DOCK9: variants seen among roughly 807,000 people sequenced by gnomAD.
DOCK9 encodes dedicator of cytokinesis protein 9.
A neutral mutation model predicts 263.3 loss-of-function variants in DOCK9; 89 were observed. The ratio of observed to expected loss-of-function variants is 0.34; its 90% CI spans 0.28 to 0.40. DOCK9 has a LOEUF of 0.40. Among genes scored for constraint, DOCK9 ranks in the 10% least tolerant of loss-of-function variants. The probability of loss-of-function intolerance (pLI) is 1.00; values close to 1 mark genes in which losing one functional copy is unlikely to be tolerated. For missense variants in DOCK9, 2,140 were observed against 2,603.4 expected, an observed-to-expected ratio of 0.82 and a Z score of 3.87; for synonymous variants, 976 against 973.1, an observed-to-expected ratio of 1.00 and a Z score of -0.06.
Position 98,886,715 on chromosome 13 carries a change from G to A in DOCK9, c.2044-91C>T, listed in dbSNP as rs73556977. On this transcript the variant is annotated intron_variant, in intron 18 of 52. Transcript: ENST00000682017. ...ATCGTAAAGGAGGAGGCATTCCTAC[G>A]GCATAGACTTAGCATCGCCACCTCT... 2,018 of 1,223,100 alleles carry A rather than the reference G, an allele frequency of 1.6e-3. 25 individuals carry two copies. In the African/African-American group the frequency reaches 0.028, roughly 17 times the overall value. The allele number at this position is 1,223,100 out of a possible 1,614,324, so 75.8% of individuals were successfully genotyped here.
Position 99,001,817 on chromosome 13 carries a change from G to A in DOCK9, c.130-46266C>T, listed in dbSNP as rs1303183433. ...TTGCAGGGGCTCCCCCTATGGTCTC[G>A]TACCTCACTTGGTATTTGTAATTTT... On this transcript the variant is annotated intron_variant, in intron 1 of 32. Transcript: ENST00000427887. 4.6e-5 allele frequency among the ~76,000 whole-genome samples: 7 copies of A among 152,322 alleles called. No homozygotes were observed. The South Asian group carries it at 1.2e-3, about 27-fold the overall frequency.
chr13:98,985,204 G>A (rs1413083621), intron 1 of DOCK9, among the ~76,000 whole-genome samples: 1 of 152,100 alleles, frequency 6.6e-6, no homozygotes, highest in Non-Finnish European at 1.5e-5. Flanking sequence ...GGAGAGTCAG[G>A]CTGACGAAGG....
intron 1 of DOCK9, among the ~76,000 whole-genome samples, chr13:99,042,741 A>G (rs962060035): frequency 1.3e-5 from 2 of 152,250 alleles, no homozygotes; most frequent in African/African-American, 4.8e-5. Flanking sequence ...GATTTGTCAC[A>G]GTTATATAAA....
At chr13:98,939,619 G>A (rs968250459) in intron 2 of DOCK9, among the ~76,000 whole-genome samples, 12 of 152,340 alleles carry the variant, frequency 7.9e-5, no homozygotes, top group African/African-American at 2.4e-4. Flanking sequence ...CAGAGCTCAG[G>A]AGACGGACGG....
At chr13:98,917,882 G>A (rs998263687) in intron 7 of DOCK9, among the ~76,000 whole-genome samples, 25 of 152,184 alleles carry the variant, frequency 1.6e-4, no homozygotes, top group African/African-American at 6.0e-4. Flanking sequence ...GGCACCAGCT[G>A]CAGGTGGGCA....
chr13:98,881,410 A>G (rs2044734885), intron 25 of DOCK9, 148 bp downstream of exon 25: 1 of 594,426 alleles, frequency 1.7e-6, no homozygotes, highest in East Asian at 2.9e-5. Context: ...TCCCCTATTC[A>G]GGTACAAGCA....
chr13:98,798,671 G>A (rs2089741672), intron 50 of DOCK9, among the ~76,000 whole-genome samples: 1 of 152,216 alleles, frequency 6.6e-6, no homozygotes, highest in African/African-American at 2.4e-5. Flanking sequence ...AGACGGCTCT[G>A]CCCAGTAAAG....
At chr13:99,071,468 G>C (rs1235886968) in intron 1 of DOCK9, among the ~76,000 whole-genome samples, 1 of 151,804 alleles carries the variant, frequency 6.6e-6, no homozygotes, top group Non-Finnish European at 1.5e-5. Context: ...AAGTATGCTA[G>C]AGAAAACATT....
At chr13:98,815,949 C>G (rs2091805261) in intron 45 of DOCK9, among the ~76,000 whole-genome samples, 1 of 152,032 alleles carries the variant, frequency 6.6e-6, no homozygotes, top group African/African-American at 2.4e-5. Flanking sequence ...TAATCTGGTG[C>G]AATTTTAATG....
upstream of DOCK9, among the ~76,000 whole-genome samples, chr13:99,086,993 T>G (rs1192024142): frequency 1.3e-5 from 2 of 152,080 alleles, no homozygotes; most frequent in Admixed American, 1.3e-4. Context: ...GGAGCCCGGC[T>G]GCGCTCGAGG....
At position 98,829,257 on chromosome 13, in the gene DOCK9, C is replaced by T; in HGVS notation, c.4965+50G>A. 2.0e-6 allele frequency: 3 copies of T among 1,514,120 alleles called. No individual in the cohort carries two copies. Among genetic ancestry groups the T allele is most frequent in the Non-Finnish European group, 2.7e-6 (3 of 1,112,510 alleles). The allele number at this position is 1,514,120 out of a possible 1,614,324, so 93.8% of individuals were successfully genotyped here. A position where few individuals can be genotyped will look rare whatever the true frequency, so the allele number is the denominator to read the frequency against. On this transcript the variant is annotated intron_variant, in intron 43 of 52. Transcript: ENST00000682017. This position sits in a 1 kb window ranked among gnomAD's most constrained non-coding sequence, Gnocchi z 4.1. ...AAACTGGCTTTTTAAGTGAATGGGG[C>T]CTCACTGGTTTTTTCAAAAACCCAT... is the stretch of plus-strand genomic sequence containing the variant.
chr13:99,077,907 T>C (rs573906645), intron 1 of DOCK9, among the ~76,000 whole-genome samples: 80 of 152,158 alleles, frequency 5.3e-4, no homozygotes, highest in African/African-American at 1.9e-3. Flanking sequence ...GCCACTGAGA[T>C]CTGGGAGTCC....
chr13:98,818,681 TTAGCC>T (rs2092066089), intron 45 of DOCK9, among the ~76,000 whole-genome samples: 1 of 151,988 alleles, frequency 6.6e-6, no homozygotes, highest in African/African-American at 2.4e-5. Flanking sequence ...TTTTATGATA[TTAGCC>T]TAGACTTAAA....
intron 24 of DOCK9, 46 bp downstream of exon 24, chr13:98,881,846 G>A (rs2044818319): frequency 1.4e-6 from 2 of 1,474,296 alleles, no homozygotes; most frequent in South Asian, 1.2e-5. Context: ...TGCTCCAGAT[G>A]TGGACAGACT....
At chr13:99,007,926 T>A (rs557514535) in intron 1 of DOCK9, among the ~76,000 whole-genome samples, 1 of 152,126 alleles carries the variant, frequency 6.6e-6, no homozygotes, top group Non-Finnish European at 1.5e-5. Flanking sequence ...TGGCTATACA[T>A]ACCAAAATCC....
chr13:98,938,433 A>G lies in DOCK9; in HGVS notation c.244-8176T>C, dbSNP rs115594913. 4.0e-3 allele frequency among the ~76,000 whole-genome samples: 603 copies of G among 152,296 alleles called. 4 individuals are homozygous for G. Among genetic ancestry groups the G allele is most frequent in the African/African-American group, 0.014 (577 of 41,560 alleles). On this transcript the variant is annotated intron_variant, in intron 2 of 52. Coordinates refer to ENST00000682017, the MANE Select transcript of DOCK9 (RefSeq NM_001366683.2). ...TTAAAAATCCCACAGTTCTGTGAAT[A>G]TGGAATTCTAAGTCTGTTCCTCTCA...
intron 12 of DOCK9, 87 bp downstream of exon 12, chr13:98,902,201 C>T (rs2048386044): frequency 7.1e-7 from 1 of 1,408,894 alleles, no homozygotes; most frequent in Non-Finnish European, 9.6e-7. Flanking sequence ...TTGTGCATTA[C>T]AAGGTCTAAT....
chr13:99,053,037 C>T (rs559001870), intron 1 of DOCK9, among the ~76,000 whole-genome samples: 81 of 152,274 alleles, frequency 5.3e-4, no homozygotes, highest in African/African-American at 1.9e-3. Context: ...ATTACTCCTT[C>T]AGTCAAACCA....
At chr13:98,950,760 T>C (rs1455204973) in intron 2 of DOCK9, among the ~76,000 whole-genome samples, 1 of 152,204 alleles carries the variant, frequency 6.6e-6, no homozygotes, top group Non-Finnish European at 1.5e-5. Context: ...CTTTACATAG[T>C]CGCACAAGCA....
Sources: allele counts gnomAD v4.1 joint callset (sites outside exome capture counted in the v4.1 genomes callset), GRCh38; gene constraint gnomAD v4.1.1; non-coding constraint Gnocchi (gnomAD v3.1); transcripts MANE v1.5; gene names NCBI Gene and HGNC (gene_info 2026-07-23, HGNC 2026-07-21).